The following PRPF3 variants were observed in gnomAD, a reference collection of about 807,000 sequenced individuals.
The protein encoded by PRPF3 is pre-mRNA processing factor 3.
PRPF3 carries 3 observed loss-of-function variants against 89.2 expected under a neutral mutation model. The observed-to-expected ratio is 0.03, with a 90% CI of 0.02 to 0.09. The LOEUF is 0.09. Among genes scored for constraint, PRPF3 ranks in the 10% least tolerant of loss-of-function variants. The pLI is 1.00. For synonymous variants in PRPF3, 270 were observed against 289.1 expected, an observed-to-expected ratio of 0.93 and a Z score of 0.67; for missense variants, 463 against 828.8, an observed-to-expected ratio of 0.56 and a Z score of 5.42.
At chr1:150,323,652 ATTC>A (rs1553862833) in intron 1 of PRPF3, among the ~76,000 whole-genome samples, 4 of 151,484 alleles carry the variant, frequency 2.6e-5, no homozygotes, top group African/African-American at 7.3e-5. Context: ...AAATGAGGGT[ATTC>A]TTTTCTGAGC....
chr1:150,324,386 A>G (rs1655461612), intron 1 of PRPF3, among the ~76,000 whole-genome samples: 1 of 152,220 alleles, frequency 6.6e-6, no homozygotes, highest in African/African-American at 2.4e-5. Context: ...TCATTGATCA[A>G]CTTAAGAGTT....
intron 14 of PRPF3, among the ~76,000 whole-genome samples, chr1:150,346,859 G>A (rs1572275606): frequency 6.6e-6 from 1 of 152,170 alleles, no homozygotes; most frequent in East Asian, 1.9e-4. Flanking sequence ...GGCTGAGGCG[G>A]GCAGATTGCC....
chr1:150,352,754 T>C, intron 15 of PRPF3, 79 bp from the exon 16 acceptor site: 1 of 1,481,472 alleles, frequency 6.8e-7, no homozygotes, highest in South Asian at 1.2e-5. Flanking sequence ...TCACAAATGT[T>C]ACTAGGTCTT....
rs951501456 is a variant in PRPF3, at chr1:150,338,472, T to A, written c.1202+146T>A. ...TTAAAATTTTTAAATCCAAGAGAGA[T>A]AAGTAACTGTACACAAGGTCCTGTT... On this transcript the variant is annotated intron_variant, in intron 8 of 15. Transcript: ENST00000324862. The A allele has an allele frequency of 6.0e-5, 45 of 751,232 alleles. No homozygotes were observed. The East Asian group carries it at 1.2e-3, about 21-fold the overall frequency. The allele number at this position is 751,232 out of a possible 1,614,324, so 46.5% of individuals were successfully genotyped here. A position where few individuals can be genotyped will look rare whatever the true frequency, so the allele number is the denominator to read the frequency against.
At chr1:150,325,290 AT>A (rs1341236225) in intron 2 of PRPF3, among the ~76,000 whole-genome samples, 1 of 152,126 alleles carries the variant, frequency 6.6e-6, no homozygotes, top group Non-Finnish European at 1.5e-5. Flanking sequence ...TTTATGATAG[AT>A]TTTAAATCTT....
chr1:150,338,594 G>A (rs1657312005), intron 8 of PRPF3, among the ~76,000 whole-genome samples: 1 of 146,360 alleles, frequency 6.8e-6, no homozygotes, highest in Non-Finnish European at 1.5e-5. Flanking sequence ...TCCACCTCCC[G>A]GGTTCAAGAG....
intron 10 of PRPF3, 56 bp from the exon 11 acceptor site, chr1:150,344,106 T>TA (rs782305234): frequency 1.4e-6 from 2 of 1,452,116 alleles, no homozygotes; most frequent in Non-Finnish European, 1.9e-6. Flanking sequence ...AATAACAAGT[T>TA]ACTCCAGCTG....
intron 9 of PRPF3, among the ~76,000 whole-genome samples, chr1:150,341,129 A>G (rs1657661880): frequency 7.2e-6 from 1 of 139,272 alleles, no homozygotes; most frequent in Non-Finnish European, 1.5e-5. Context: ...AAAAAAAAAG[A>G]AGAAAGAAAG....
chr1:150,325,107 T>G lies in PRPF3; in HGVS notation c.145+20T>G. The G allele has an allele frequency of 6.2e-7, 1 of 1,611,376 alleles. No homozygotes were observed. Among genetic ancestry groups the G allele is most frequent in the Non-Finnish European group, 8.5e-7 (1 of 1,178,326 alleles). On this transcript the variant is annotated intron_variant, in intron 2 of 15. Coordinates refer to ENST00000324862, the MANE Select transcript of PRPF3 (RefSeq NM_004698.4). ...CAGCCGGTATGTACCTTTCTGCATC[T>G]TTTATCTTAACATATAGGGTGACCC...
At chr1:150,325,140 T>C in intron 2 of PRPF3, 53 bp downstream of exon 2, 1 of 1,586,186 alleles carries the variant, frequency 6.3e-7, no homozygotes, top group East Asian at 2.3e-5. Flanking sequence ...CCCCAAACAC[T>C]GCTTTGAACT....
intron 10 of PRPF3, 82 bp downstream of exon 10, chr1:150,343,534 G>C: frequency 6.5e-7 from 1 of 1,533,638 alleles, no homozygotes; most frequent in Non-Finnish European, 9.0e-7. Flanking sequence ...ACATCTCTGT[G>C]TTTGAGTGAT....
At chr1:150,343,586 G>T in intron 10 of PRPF3, 134 bp downstream of exon 10, 1 of 1,224,442 alleles carries the variant, frequency 8.2e-7, no homozygotes. Context: ...TTTTCTCCAA[G>T]TTTTCTACCA....
chr1:150,349,150 C>A lies in PRPF3; in HGVS notation c.1844-7C>A, dbSNP rs782248016. On this transcript the variant is annotated splice_region_variant and splice_polypyrimidine_tract_variant and intron_variant, in intron 14 of 15. Coordinates refer to ENST00000324862, the MANE Select transcript of PRPF3 (RefSeq NM_004698.4). ...AGTCTAAGTCTGTAACAAGATTTCT[C>A]TTCCAGATGATGAGGAGTCTGATGA... 6.2e-7 allele frequency: 1 copy of A among 1,611,892 alleles called. No homozygotes were observed. The highest frequency in any genetic ancestry group is 8.5e-7 in the Non-Finnish European group (1 of 1,178,094).
chr1:150,344,100 A>G (rs17648533), intron 10 of PRPF3, 62 bp from the exon 11 acceptor site: 136,946 of 1,410,758 alleles, frequency 0.097, 7,707 homozygotes, highest in Admixed American at 0.18. Flanking sequence ...GGAAGAAATA[A>G]CAAGTTACTC....
At chr1:150,332,795 A>G (rs371146052) in intron 5 of PRPF3, 28 bp downstream of exon 5, 196 of 1,609,844 alleles carry the variant, frequency 1.2e-4, no homozygotes, top group Middle Eastern at 4.9e-4. Context: ...CTCTGAACAG[A>G]ATAATCTTTG....
intron 15 of PRPF3, among the ~76,000 whole-genome samples, chr1:150,350,134 G>C (rs1365879177): frequency 1.3e-5 from 2 of 151,784 alleles, no homozygotes; most frequent in African/African-American, 4.8e-5. Context: ...AACCTCAGGT[G>C]ATCCGCCTGC....
Position 150,343,379 on chromosome 1 carries a change from A to G in PRPF3, c.1353A>G (p.Gln451=), listed in dbSNP as rs893001237. The change falls in exon 10 of 16, where the codon CAA becomes CAG. Residue 451 remains glutamine, a synonymous_variant. Coordinates refer to ENST00000324862, the MANE Select transcript of PRPF3 (RefSeq NM_004698.4). ...TKKEQKKLRR[Q]TRREAQKELQ... is the part of the protein sequence containing the mutation. ...AGGAACAGAAAAAACTTCGGAGACA[A>G]ACAAGGAGGGAAGCACAGAAGGAAC... 2.5e-6 allele frequency: 4 copies of G among 1,610,460 alleles called. No individual in the cohort carries two copies. Among genetic ancestry groups the G allele is most frequent in the South Asian group, 2.2e-5 (2 of 91,020 alleles).
At chr1:150,347,031 G>T (rs1169421145) in intron 14 of PRPF3, among the ~76,000 whole-genome samples, 1 of 152,120 alleles carries the variant, frequency 6.6e-6, no homozygotes, top group Non-Finnish European at 1.5e-5. Flanking sequence ...GGTCGAGGCT[G>T]CAGTAAGCTG....
intron 9 of PRPF3, among the ~76,000 whole-genome samples, chr1:150,341,701 C>A (rs1183517771): frequency 8.9e-6 from 1 of 111,874 alleles, no homozygotes; most frequent in Non-Finnish European, 1.9e-5. Flanking sequence ...CCACCGCGCC[C>A]GGCCTTTTTT....
Sources: allele counts gnomAD v4.1 joint callset (sites outside exome capture counted in the v4.1 genomes callset), GRCh38; gene constraint gnomAD v4.1.1; transcripts MANE v1.5; gene names NCBI Gene and HGNC (gene_info 2026-07-23, HGNC 2026-07-21).